TBC1D22B: variants seen among roughly 807,000 people sequenced by gnomAD.
TBC1D22B encodes the protein chromosome 6 open reading frame 197.
In TBC1D22B, 32 loss-of-function variants were observed where a neutral mutation model predicts 69.1. That is an observed-to-expected ratio of 0.46 (90% confidence interval 0.35 to 0.62). The LOEUF (loss-of-function observed/expected upper bound fraction) is 0.62, where lower values mean the gene tolerates loss of function less well. TBC1D22B is among the 20% of genes least tolerant of loss of function. The pLI is 0.00. For synonymous variants in TBC1D22B, 206 were observed against 229.8 expected (o/e 0.90, Z 0.94); for missense variants, 462 against 630.9 (o/e 0.73, Z 2.87).
chr6:37,308,924 T>C (rs1359019929), intron 8 of TBC1D22B, among the ~76,000 whole-genome samples: 1 of 136,562 alleles, frequency 7.3e-6, no homozygotes, highest in Non-Finnish European at 1.5e-5. Context: ...GCCTAGGCAA[T>C]ATAGTAAGAT....
chr6:37,271,427 G>C (rs1729151329), intron 2 of TBC1D22B, among the ~76,000 whole-genome samples: 1 of 152,244 alleles, frequency 6.6e-6, no homozygotes, highest in South Asian at 2.1e-4. Flanking sequence ...CTGACTTTGA[G>C]TGATTATAAT....
chr6:37,271,000 C>G (rs1285783223), intron 2 of TBC1D22B, among the ~76,000 whole-genome samples: 2 of 152,038 alleles, frequency 1.3e-5, no homozygotes, highest in East Asian at 3.9e-4. Flanking sequence ...AGTGCAGCTA[C>G]TCTGTGTGAT....
intron 12 of TBC1D22B, among the ~76,000 whole-genome samples, chr6:37,322,657 AATATGCC>A: frequency 6.6e-6 from 1 of 152,354 alleles, no homozygotes; most frequent in African/African-American, 2.4e-5. Context: ...CCATTGGCAG[AATATGCC>A]ATCAAGGCAG....
At chr6:37,269,568 T>G (rs2113720576) in intron 1 of TBC1D22B, 26 bp from the exon 2 acceptor site, 1 of 1,613,430 alleles carries the variant, frequency 6.2e-7, no homozygotes, top group East Asian at 2.2e-5. Flanking sequence ...AAACTAACTA[T>G]TTCTTCCTTT....
chr6:37,271,916 G>C (rs1237451420), intron 2 of TBC1D22B, among the ~76,000 whole-genome samples: 3 of 143,352 alleles, frequency 2.1e-5, no homozygotes, highest in Non-Finnish European at 4.5e-5. Flanking sequence ...CAGGGACTTT[G>C]TTTTGTTCAT....
chr6:37,283,542 C>G (rs1466978614), intron 5 of TBC1D22B, among the ~76,000 whole-genome samples: 2 of 152,224 alleles, frequency 1.3e-5, no homozygotes, highest in African/African-American at 4.8e-5. Flanking sequence ...CCCCACTCTC[C>G]AGGCACTCAC....
chr6:37,299,179 AT>A (rs1562056424), intron 8 of TBC1D22B, among the ~76,000 whole-genome samples: 1 of 152,124 alleles, frequency 6.6e-6, no homozygotes, highest in African/African-American at 2.4e-5. Flanking sequence ...CAGTGATATT[AT>A]GTATCTTTTC....
intron 6 of TBC1D22B, among the ~76,000 whole-genome samples, chr6:37,284,860 G>A (rs1488391110): frequency 6.6e-6 from 1 of 152,122 alleles, no homozygotes; most frequent in East Asian, 1.9e-4. Flanking sequence ...AGTAGTAAGC[G>A]TTATCGAGCA....
intron 8 of TBC1D22B, among the ~76,000 whole-genome samples, chr6:37,297,405 AG>A (rs972154130): frequency 4.6e-5 from 7 of 152,188 alleles, no homozygotes; most frequent in African/African-American, 1.7e-4. Context: ...CTATTTGCAA[AG>A]AACTTGGACA....
chr6:37,289,433 T>G (rs1767108673), intron 7 of TBC1D22B, among the ~76,000 whole-genome samples: 1 of 152,190 alleles, frequency 6.6e-6, no homozygotes, highest in Admixed American at 6.5e-5. Flanking sequence ...ATTACCAGGC[T>G]TGGTGCTCTT....
At chr6:37,309,965 C>T (rs1767851354) in intron 8 of TBC1D22B, among the ~76,000 whole-genome samples, 1 of 145,940 alleles carries the variant, frequency 6.9e-6, no homozygotes, top group Admixed American at 6.9e-5. Context: ...TAATATAAAA[C>T]ATAATATAAA....
intron 1 of TBC1D22B, among the ~76,000 whole-genome samples, chr6:37,268,973 G>A (rs368499361): frequency 1.3e-5 from 2 of 152,060 alleles, no homozygotes; most frequent in East Asian, 1.9e-4. Context: ...TTCTAGTTTG[G>A]GGCTAAGACG....
At chr6:37,275,492 CT>C (rs552805501) in intron 2 of TBC1D22B, among the ~76,000 whole-genome samples, 2 of 152,116 alleles carry the variant, frequency 1.3e-5, no homozygotes, top group Non-Finnish European at 2.9e-5. Context: ...TTTTTAGCTG[CT>C]TTTTTCAAGG....
chr6:37,326,508 G>T (rs940922369), intron 12 of TBC1D22B, among the ~76,000 whole-genome samples: 1 of 152,014 alleles, frequency 6.6e-6, no homozygotes, highest in Non-Finnish European at 1.5e-5. Flanking sequence ...GAAATCTTAG[G>T]CTGGGCACAG....
At position 37,282,191 on chromosome 6, in the gene TBC1D22B, C is replaced by A. The variant is rs780090906; in HGVS notation, c.428C>A (p.Thr143Lys). The change falls in exon 4 of 13, where the codon ACA (threonine) becomes AAA (lysine). Residue 143 changes from threonine to lysine, a missense_variant. By Grantham distance (78) the Thr-to-Lys change is moderately conservative. This residue lies in a region of TBC1D22B where 237 missense variants were observed against 255.4 expected (regional missense o/e 0.93). Transcript: ENST00000373491. ...CTTTTTCAAATGATCTCAGGTGATA[C>A]ATGCCTGAGGAACCCACTCCACAAA... ...DAQLSRNSSD[T>K]CLRNPLHKQQ... The A allele has an allele frequency of 1.9e-6, 3 of 1,614,072 alleles. No homozygotes were observed. The highest frequency in any genetic ancestry group is 2.5e-6 in the Non-Finnish European group (3 of 1,179,924).
intron 12 of TBC1D22B, among the ~76,000 whole-genome samples, chr6:37,317,953 G>T (rs1224901257): frequency 6.6e-6 from 1 of 152,140 alleles, no homozygotes; most frequent in Non-Finnish European, 1.5e-5. Flanking sequence ...AAGAGGTGAG[G>T]TCAGAGGAGT....
chr6:37,301,290 C>A (rs1348101671), intron 8 of TBC1D22B, among the ~76,000 whole-genome samples: 1 of 152,160 alleles, frequency 6.6e-6, no homozygotes. Context: ...TTAAAGGGTA[C>A]AGTGAATAAT....
At chr6:37,304,113 T>TA (rs1484673506) in intron 8 of TBC1D22B, among the ~76,000 whole-genome samples, 3 of 152,334 alleles carry the variant, frequency 2.0e-5, no homozygotes, top group Admixed American at 2.0e-4. Context: ...GGCAGTGAGT[T>TA]ACACTTTTCT....
chr6:37,278,988 G>A (rs1766745053), intron 2 of TBC1D22B, among the ~76,000 whole-genome samples: 1 of 152,134 alleles, frequency 6.6e-6, no homozygotes, highest in Admixed American at 6.5e-5. Flanking sequence ...TTGCCTGGAA[G>A]TAATCGCCTC....
Sources: allele counts gnomAD v4.1 joint callset (sites outside exome capture counted in the v4.1 genomes callset), GRCh38; gene constraint gnomAD v4.1.1; regional missense constraint gnomAD v4.1.1; transcripts MANE v1.5; gene names NCBI Gene and HGNC (gene_info 2026-07-23, HGNC 2026-07-21).